STAT5B: variants seen among roughly 807,000 people sequenced by gnomAD.
STAT5B encodes the protein signal transducer and activator of transcription 5B, also known as transcription factor STAT5B.
A neutral mutation model predicts 107.8 loss-of-function variants in STAT5B; 21 were observed. That is an observed-to-expected ratio of 0.19 (90% confidence interval 0.14 to 0.28). The LOEUF (loss-of-function observed/expected upper bound fraction) is 0.28, where lower values mean the gene tolerates loss of function less well. Ranked by LOEUF, STAT5B falls within the 10% of genes least tolerant of loss-of-function variation. STAT5B has a pLI of 1.00. For synonymous variants in STAT5B, 325 were observed against 401.7 expected (o/e 0.81, Z 2.28); for missense variants, 565 against 1,008.2 (o/e 0.56, Z 5.95).
At chr17:42,264,497 G>A (rs954432695) in intron 1 of STAT5B, among the ~76,000 whole-genome samples, 39 of 151,572 alleles carry the variant, frequency 2.6e-4, no homozygotes, top group Non-Finnish European at 5.4e-4. Context: ...TGAGAATGAT[G>A]ATTTCCAATT....
intron 15 of STAT5B, 74 bp from the exon 16 acceptor site, chr17:42,207,802 T>A: frequency 6.6e-7 from 1 of 1,513,502 alleles, no homozygotes; most frequent in Non-Finnish European, 9.1e-7. Context: ...CCCAACATAC[T>A]ATAAATTCAA....
chr17:42,216,178 C>A, intron 11 of STAT5B, 72 bp from the exon 12 acceptor site: 1 of 1,213,024 alleles, frequency 8.2e-7, no homozygotes, highest in Non-Finnish European at 1.2e-6. Flanking sequence ...TTTTTTTTTT[C>A]TTATTATAAC....
intron 5 of STAT5B, among the ~76,000 whole-genome samples, chr17:42,222,569 TCTTA>T (rs897774577): frequency 2.6e-5 from 4 of 152,168 alleles, no homozygotes; most frequent in African/African-American, 4.8e-5. Flanking sequence ...AGAGATAGGG[TCTTA>T]CTATGTTGCC....
chr17:42,274,756 A>AT (rs1290676608), intron 1 of STAT5B: 1 of 152,218 alleles, frequency 6.6e-6, no homozygotes, highest in African/African-American at 2.4e-5. Context: ...ACATAAGCAA[A>AT]TGGACAACAA....
intron 1 of STAT5B, among the ~76,000 whole-genome samples, chr17:42,243,258 A>C (rs1441847494): frequency 6.6e-6 from 1 of 152,168 alleles, no homozygotes; most frequent in East Asian, 1.9e-4. Flanking sequence ...CTGAAGGCTG[A>C]GGCACAAGAA....
intron 2 of STAT5B, among the ~76,000 whole-genome samples, chr17:42,230,950 A>G (rs2080312701): frequency 6.6e-6 from 1 of 152,122 alleles, no homozygotes; most frequent in East Asian, 1.9e-4. Flanking sequence ...GGCATGAGCC[A>G]CAACACCCAC....
At chr17:42,219,872 T>C (rs1438812511) in intron 5 of STAT5B, 30 bp from the exon 6 acceptor site, 1 of 1,613,812 alleles carries the variant, frequency 6.2e-7, no homozygotes, top group Non-Finnish European at 8.5e-7. Flanking sequence ...ACCATGACCA[T>C]CACCTCCCAG....
intron 1 of STAT5B, among the ~76,000 whole-genome samples, chr17:42,254,863 C>T (rs2080529130): frequency 6.6e-6 from 1 of 152,142 alleles, no homozygotes; most frequent in Non-Finnish European, 1.5e-5. Context: ...GAGGCCTAGG[C>T]AGGCGGATCA....
rs907053439 is a variant in STAT5B at position 42,199,487 on chromosome 17, G to A, written c.*2251C>T. The A allele has an allele frequency of 6.6e-6, 1 of 152,288 alleles. No individual in the cohort carries two copies. Among genetic ancestry groups the A allele is most frequent in the African/African-American group, 2.4e-5 (1 of 41,428 alleles). The allele number at this position is 152,288 out of a possible 1,614,324, so 9.4% of individuals were successfully genotyped here. On this transcript the variant is annotated 3_prime_UTR_variant, in exon 19 of 19. Transcript: ENST00000293328. ...TCACACACGGAGCTGAAACTTTTGAGGACTTGTGTGTGTCTGGGAGTGGGT... is the reference window on the plus strand; with the variant it reads ...TCACACACGGAGCTGAAACTTTTGAAGACTTGTGTGTGTCTGGGAGTGGGT...
At chr17:42,283,152 A>C in the STAT5B span, among the ~76,000 whole-genome samples, 2 of 152,228 alleles carry the variant, frequency 1.3e-5, no homozygotes, top group African/African-American at 4.8e-5. Context: ...GCCAAGGCAC[A>C]AAAGATTTCT....
chr17:42,245,105 T>C (rs1259739148), intron 1 of STAT5B, among the ~76,000 whole-genome samples: 2 of 128,038 alleles, frequency 1.6e-5, no homozygotes, highest in Non-Finnish European at 3.2e-5. Context: ...TGAGATGGAG[T>C]CTCACTCTGT....
chr17:42,206,585 T>C (rs182001640), intron 16 of STAT5B, among the ~76,000 whole-genome samples: 1 of 152,338 alleles, frequency 6.6e-6, no homozygotes, highest in East Asian at 1.9e-4. Flanking sequence ...TCTTTTCTTT[T>C]GTTTTTGAGA....
intron 1 of STAT5B, among the ~76,000 whole-genome samples, chr17:42,242,760 G>A (rs1416159459): frequency 6.6e-6 from 1 of 152,124 alleles, no homozygotes; most frequent in African/African-American, 2.4e-5. Context: ...TCAAGGTCAA[G>A]CATTCGAGAC....
At chr17:42,220,056 C>T (rs2080211490) in intron 5 of STAT5B, among the ~76,000 whole-genome samples, 1 of 152,184 alleles carries the variant, frequency 6.6e-6, no homozygotes, top group African/African-American at 2.4e-5. Context: ...GACTCTGAGC[C>T]GTCCCCTCTG....
intron 15 of STAT5B, among the ~76,000 whole-genome samples, chr17:42,208,513 T>C (rs889597666): frequency 4.6e-5 from 7 of 150,666 alleles, no homozygotes; most frequent in African/African-American, 1.7e-4. Context: ...AATAAATAAA[T>C]AAATAAAAAT....
Position 42,219,752 on chromosome 17 carries a change from C to A in STAT5B, c.641G>T (p.Trp214Leu), listed in dbSNP as rs2080207790. ...CAGTGTCTGTGCCTCACGCTGCAAC[C>A]AGGCCTCCAGAGACACCTGCTTCTG... ...LQQKQVSLEAWLQREAQTLQQ... is the reference protein window; with the variant it reads ...LQQKQVSLEALLQREAQTLQQ... The change falls in exon 6 of 19, where the codon TGG (tryptophan) becomes TTG (leucine). Residue 214 changes from tryptophan to leucine, a missense_variant. Transcript: ENST00000293328. 6.2e-7 allele frequency: 1 copy of A among 1,609,944 alleles called. No individual in the cohort carries two copies. Among genetic ancestry groups the A allele is most frequent in the African/African-American group, 1.3e-5 (1 of 74,614 alleles).
intron 13 of STAT5B, among the ~76,000 whole-genome samples, chr17:42,211,260 C>T (rs1455659369): frequency 2.6e-5 from 4 of 152,026 alleles, no homozygotes; most frequent in Admixed American, 2.6e-4. Flanking sequence ...GTAATCCCAG[C>T]ACTTTGGGAG....
intron 16 of STAT5B, among the ~76,000 whole-genome samples, chr17:42,206,230 C>T (rs775033019): frequency 2.0e-5 from 3 of 152,060 alleles, no homozygotes; most frequent in Non-Finnish European, 4.4e-5. Flanking sequence ...GCTGGAATTA[C>T]AGGCGCCCAC....
chr17:42,250,528 G>A (rs1340193430), intron 1 of STAT5B, among the ~76,000 whole-genome samples: 1 of 152,158 alleles, frequency 6.6e-6, no homozygotes. Context: ...AGTACTAGCA[G>A]CAGTAGTAAT....
Sources: allele counts gnomAD v4.1 joint callset (sites outside exome capture counted in the v4.1 genomes callset), GRCh38; gene constraint gnomAD v4.1.1; transcripts MANE v1.5; gene names NCBI Gene and HGNC (gene_info 2026-07-23, HGNC 2026-07-21).